Variants in FMN1 observed in about 807,000 individuals in gnomAD.
FMN1 encodes formin-1.
FMN1 carries 110 observed loss-of-function variants against 132.4 expected under a neutral mutation model. The observed-to-expected ratio is 0.83, with a 90% CI of 0.71 to 0.97. FMN1 has a LOEUF of 0.97. FMN1 is among the 50% of genes least tolerant of loss of function. FMN1 has a pLI of 0.00. For missense variants in FMN1, 1,792 were observed against 1,705.3 expected (o/e 1.05, Z -0.90); for synonymous variants, 722 against 651.7 (o/e 1.11, Z -1.64).
At chr15:32,786,732 T>G (rs1567165553) in intron 19 of FMN1, among the ~76,000 whole-genome samples, 1 of 152,240 alleles carries the variant, frequency 6.6e-6, no homozygotes, top group Non-Finnish European at 1.5e-5. Flanking sequence ...TAGGCTTACC[T>G]GAAACATAGA....
At chr15:33,019,871 C>T (rs1381673612) in intron 6 of FMN1, among the ~76,000 whole-genome samples, 1 of 152,188 alleles carries the variant, frequency 6.6e-6, no homozygotes, top group African/African-American at 2.4e-5. Flanking sequence ...CACACCTCCC[C>T]GCAAGCGGAG....
intron 2 of FMN1, among the ~76,000 whole-genome samples, chr15:33,183,935 CA>C (rs1343255203): frequency 9.2e-5 from 14 of 152,042 alleles, no homozygotes; most frequent in Non-Finnish European, 8.8e-5. Flanking sequence ...AATATAATCA[CA>C]ATGACTTTAA....
chr15:32,791,201 C>G (rs2057064142), intron 19 of FMN1, among the ~76,000 whole-genome samples: 1 of 149,342 alleles, frequency 6.7e-6, no homozygotes, highest in Non-Finnish European at 1.5e-5. Flanking sequence ...CTCAGAGGGC[C>G]ATGCTATAAT....
intron 7 of FMN1, 124 bp from the exon 8 acceptor site, chr15:32,969,601 C>T (rs2031606388): frequency 9.1e-7 from 1 of 1,094,842 alleles, no homozygotes; most frequent in East Asian, 2.5e-5. Context: ...CAGGGAAATA[C>T]AGAGACATTC....
intron 4 of FMN1, among the ~76,000 whole-genome samples, chr15:33,091,769 A>G (rs1595452224): frequency 6.6e-6 from 1 of 152,202 alleles, no homozygotes; most frequent in South Asian, 2.1e-4. Flanking sequence ...AATGGGTAAT[A>G]CCCAAGCTAG....
intron 16 of FMN1, among the ~76,000 whole-genome samples, chr15:32,859,774 C>T (rs1441502667): frequency 6.6e-6 from 1 of 152,176 alleles, no homozygotes; most frequent in Non-Finnish European, 1.5e-5. Flanking sequence ...TCGTGGTTCG[C>T]ACCTGTAATC....
intron 19 of FMN1, among the ~76,000 whole-genome samples, chr15:32,779,367 G>GT (rs1363510317): frequency 3.9e-5 from 6 of 152,148 alleles, no homozygotes; most frequent in Admixed American, 2.0e-4. Flanking sequence ...CAGCATGATA[G>GT]TATTTCTTAC....
chr15:32,902,066 A>T, intron 12 of FMN1, 26 bp from the exon 13 acceptor site: 1 of 1,592,806 alleles, frequency 6.3e-7, no homozygotes, highest in Non-Finnish European at 8.6e-7. Context: ...TGTGTCATCT[A>T]CCTTCACATA....
chr15:32,893,563 G>A (rs928742221), intron 15 of FMN1, among the ~76,000 whole-genome samples: 2 of 152,224 alleles, frequency 1.3e-5, no homozygotes, highest in Non-Finnish European at 2.9e-5. Flanking sequence ...CAGGGAGCAG[G>A]AGTCATCTTT....
intron 7 of FMN1, among the ~76,000 whole-genome samples, chr15:32,974,807 T>C (rs75976237): frequency 6.6e-6 from 1 of 152,178 alleles, no homozygotes; most frequent in South Asian, 2.1e-4. Context: ...ACTTAGGTCA[T>C]TTCAGAATCT....
rs979089955 is a variant in FMN1 at position 32,824,346 on chromosome 15, T to A, written c.3929-20014A>T. Among the ~76,000 whole-genome samples the A allele has an allele frequency of 3.3e-5, 5 of 152,104 alleles. No homozygotes were observed. The South Asian group carries it at 1.0e-3, about 32-fold the overall frequency. ...CTTAGTGCGTGCTTACCTCACAGAG[T>A]GGATAGATATCCACATGAATTTGAC... On this transcript the variant is annotated intron_variant, in intron 17 of 20. Transcript: ENST00000616417.
At chr15:33,145,506 G>A (rs1280803942) in intron 4 of FMN1, among the ~76,000 whole-genome samples, 1 of 151,476 alleles carries the variant, frequency 6.6e-6, no homozygotes, top group Non-Finnish European at 1.5e-5. Context: ...TTTTATGGCA[G>A]TCCTCTCTCC....
chr15:33,026,096 TAC>T (rs58334971), intron 6 of FMN1, among the ~76,000 whole-genome samples: 5,644 of 144,678 alleles, frequency 0.039, 153 homozygotes, highest in East Asian at 0.1. Flanking sequence ...TGCTTAGGCA[TAC>T]ACACACACAC....
intron 4 of FMN1, among the ~76,000 whole-genome samples, chr15:33,119,622 C>T (rs1475602238): frequency 6.6e-6 from 1 of 152,172 alleles, no homozygotes; most frequent in Non-Finnish European, 1.5e-5. Flanking sequence ...TTTTCTTTCT[C>T]TTTCAAGGGA....
rs1209235917 is a variant in FMN1 at position 33,089,099 on chromosome 15, A to G, written c.1868-125T>C. On this transcript the variant is annotated intron_variant, in intron 4 of 20. Transcript: ENST00000616417. ...GCTCTTACTTTGCTTTCTAAGTTAT[A>G]TTTTTAAGAGACTGCTTTCCTTTAA... is the stretch of plus-strand genomic sequence containing the variant. 3.9e-6 allele frequency: 3 copies of G among 770,924 alleles called. No individual in the cohort carries two copies. The African/African-American group carries it at 5.3e-5, about 14-fold the overall frequency. 47.8% of individuals were successfully genotyped at this position (770,924 alleles called of 1,614,324 possible). A position where few individuals can be genotyped will look rare whatever the true frequency, so the allele number is the denominator to read the frequency against.
intron 7 of FMN1, among the ~76,000 whole-genome samples, chr15:32,974,519 T>G (rs2032044690): frequency 6.6e-6 from 1 of 152,172 alleles, no homozygotes; most frequent in Non-Finnish European, 1.5e-5. Flanking sequence ...TGGCACAATT[T>G]TTACCTTTCT....
chr15:33,067,697 A>C (rs921663164), intron 5 of FMN1: 2 of 1,613,924 alleles, frequency 1.2e-6, no homozygotes, highest in Non-Finnish European at 1.7e-6. Flanking sequence ...ATTCACGTCT[A>C]AACTATGGAA....
At chr15:32,806,629 G>A (rs1318043858) in intron 17 of FMN1, among the ~76,000 whole-genome samples, 1 of 152,156 alleles carries the variant, frequency 6.6e-6, no homozygotes, top group East Asian at 1.9e-4. Context: ...TGGCTGTTTG[G>A]TGGCATTACC....
At chr15:33,038,500 G>T (rs2036284383) in intron 6 of FMN1, among the ~76,000 whole-genome samples, 1 of 152,116 alleles carries the variant, frequency 6.6e-6, no homozygotes, top group Non-Finnish European at 1.5e-5. Flanking sequence ...ATTTCTGTGG[G>T]ATGCAAATAG....
Sources: gnomAD v4.1 joint callset for allele counts (sites outside exome capture counted in the v4.1 genomes callset) on GRCh38, gnomAD v4.1.1 for gene constraint, MANE v1.5 for transcripts, NCBI Gene and HGNC (gene_info 2026-07-23, HGNC 2026-07-21) for gene names.